Variants in DACH2 observed in about 807,000 individuals in gnomAD.
The protein encoded by DACH2 is dachshund family transcription factor 2.
DACH2 carries 17 observed loss-of-function variants against 35.8 expected under a neutral mutation model. That is an observed-to-expected ratio of 0.48 (90% confidence interval 0.33 to 0.71). The LOEUF is 0.71. Ranked by LOEUF, DACH2 falls within the 30% of genes least tolerant of loss-of-function variation. The pLI, the probability that DACH2 is intolerant of heterozygous loss-of-function variation, is 0.02. For synonymous variants in DACH2, 195 were observed against 177.3 expected, an observed-to-expected ratio of 1.10 and a Z score of -0.79; for missense variants, 469 against 472.7, an observed-to-expected ratio of 0.99 and a Z score of 0.07.
chrX:86,365,604 T>C (rs1447046826), intron 1 of DACH2, among the ~76,000 whole-genome samples: 1 of 111,910 alleles, frequency 8.9e-6, no homozygotes, highest in African/African-American at 3.2e-5. Context: ...ATTTTTAATT[T>C]CCATTAAAAA....
intron 2 of DACH2, among the ~76,000 whole-genome samples, chrX:86,431,554 C>T (rs761195296): frequency 3.9e-4 from 43 of 111,187 alleles, no homozygotes; most frequent in Non-Finnish European, 6.6e-4. Context: ...AAGTGTAGTG[C>T]TAGAAATAGA....
intron 2 of DACH2, among the ~76,000 whole-genome samples, chrX:86,383,707 G>T (rs368669818): frequency 9.4e-6 from 1 of 106,283 alleles, no homozygotes; most frequent in East Asian, 2.9e-4. Flanking sequence ...CTACATTCTT[G>T]TCCACTCTGA....
chrX:86,551,461 A>G (rs1256007539), intron 3 of DACH2, among the ~76,000 whole-genome samples: 7 of 112,360 alleles, frequency 6.2e-5, no homozygotes, highest in East Asian at 2.8e-4. Flanking sequence ...GAAATTCTCA[A>G]TTGAGTTAAT....
chrX:86,749,459 A>G (rs1006710868), intron 7 of DACH2, among the ~76,000 whole-genome samples: 12 of 111,602 alleles, frequency 1.1e-4, no homozygotes, highest in African/African-American at 3.9e-4. Context: ...CTCAGGGAAT[A>G]GAAGACCTGA....
chrX:86,516,098 G>T (rs1003634162), intron 3 of DACH2, among the ~76,000 whole-genome samples: 4 of 111,734 alleles, frequency 3.6e-5, no homozygotes, highest in African/African-American at 1.3e-4. Context: ...AGGCTTTGAG[G>T]GGGAAGATAA....
intron 7 of DACH2, among the ~76,000 whole-genome samples, chrX:86,783,375 A>C (rs1281539883): frequency 8.9e-6 from 1 of 112,227 alleles, no homozygotes; most frequent in Non-Finnish European, 1.9e-5. Flanking sequence ...TGAAAATCTA[A>C]ATTGAGTTAC....
intron 1 of DACH2, among the ~76,000 whole-genome samples, chrX:86,342,343 T>C (rs1288665738): frequency 2.7e-5 from 3 of 109,174 alleles, no homozygotes; most frequent in African/African-American, 1.0e-4. Context: ...TACAAAAAAA[T>C]AAAAAAAATT....
chrX:86,254,838 A>AGAGAGAGAG (rs1569318220), intron 1 of DACH2, among the ~76,000 whole-genome samples: 6 of 88,413 alleles, frequency 6.8e-5, no homozygotes, highest in African/African-American at 2.1e-4. Context: ...AGAGAGAGAG[A>AGAGAGAGAG]AGGTTTATAA....
intron 7 of DACH2, among the ~76,000 whole-genome samples, chrX:86,792,833 A>C (rs991547480): frequency 1.8e-5 from 2 of 111,759 alleles, no homozygotes; most frequent in African/African-American, 3.2e-5. Flanking sequence ...CTACAAAACC[A>C]TGAGAGTTCT....
chrX:86,478,789 G>C (rs1467013985), intron 2 of DACH2, among the ~76,000 whole-genome samples: 1 of 109,607 alleles, frequency 9.1e-6, no homozygotes, highest in Non-Finnish European at 1.9e-5. Flanking sequence ...CAGCATCTAG[G>C]GAGTGTTTAC....
chrX:86,526,440 G>A (rs1028223808), intron 3 of DACH2, among the ~76,000 whole-genome samples: 4 of 111,547 alleles, frequency 3.6e-5, no homozygotes, highest in Admixed American at 9.5e-5. Flanking sequence ...GATTGTAGTG[G>A]TGAAAATGTT....
At chrX:86,700,930 G>A (rs757336361) in intron 5 of DACH2, among the ~76,000 whole-genome samples, 14 of 111,423 alleles carry the variant, frequency 1.3e-4, no homozygotes, top group Non-Finnish European at 2.5e-4. Context: ...CACAAAGAAG[G>A]GCTGGTACCA....
At chrX:86,421,693 T>C (rs756718925) in intron 2 of DACH2, among the ~76,000 whole-genome samples, 14 of 111,729 alleles carry the variant, frequency 1.3e-4, no homozygotes, top group Non-Finnish European at 2.3e-4. Context: ...AAACCTTTTG[T>C]AGTATGAATA....
At chrX:86,612,174 G>T (rs12853101) in intron 3 of DACH2, among the ~76,000 whole-genome samples, 4 of 108,231 alleles carry the variant, frequency 3.7e-5, no homozygotes, top group Non-Finnish European at 7.6e-5. Context: ...GGAATGGGGG[G>T]CCTTGCCACT....
chrX:86,277,987 G>C (rs2033950929), intron 1 of DACH2, among the ~76,000 whole-genome samples: 1 of 111,740 alleles, frequency 8.9e-6, no homozygotes, highest in Non-Finnish European at 1.9e-5. Flanking sequence ...GCGACGAAAA[G>C]TGGATTTTAG....
intron 7 of DACH2, among the ~76,000 whole-genome samples, chrX:86,760,411 T>G (rs907867347): frequency 6.2e-5 from 7 of 112,206 alleles, no homozygotes; most frequent in African/African-American, 2.3e-4. Context: ...TTTTTCTTTA[T>G]TTTTGTTTGA....
At chrX:86,432,067 G>A (rs960557637) in intron 2 of DACH2, among the ~76,000 whole-genome samples, 1 of 111,926 alleles carries the variant, frequency 8.9e-6, no homozygotes, top group Non-Finnish European at 1.9e-5. Context: ...TAATAAAAAA[G>A]AAATCTATTT....
chrX:86,313,832 ACCC>A (rs2034845918), intron 1 of DACH2, among the ~76,000 whole-genome samples: 1 of 111,422 alleles, frequency 9.0e-6, no homozygotes. Context: ...AGTTGTGGCA[ACCC>A]CACATTAAGC....
chrX:86,434,433 C>G (rs1286560693), intron 2 of DACH2, among the ~76,000 whole-genome samples: 1 of 112,000 alleles, frequency 8.9e-6, no homozygotes, highest in Admixed American at 9.5e-5. Context: ...TATATTTTCT[C>G]AATCTATCTC....
Sources: allele counts gnomAD v4.1 joint callset (sites outside exome capture counted in the v4.1 genomes callset), GRCh38; gene constraint gnomAD v4.1.1; transcripts MANE v1.5; gene names NCBI Gene and HGNC (gene_info 2026-07-23, HGNC 2026-07-21).